CRADD: variants seen among roughly 807,000 people sequenced by gnomAD.
The protein encoded by CRADD is death domain-containing protein CRADD.
CRADD carries 9 observed loss-of-function variants against 15.5 expected under a neutral mutation model. The observed-to-expected ratio is 0.58, with a 90% CI of 0.35 to 1.01. CRADD has a LOEUF of 1.01. Among genes scored for constraint, CRADD ranks in the 50% least tolerant of loss-of-function variants. The probability of loss-of-function intolerance (pLI) is 0.02; values close to 1 mark genes in which losing one functional copy is unlikely to be tolerated. For synonymous variants in CRADD, 118 were observed against 107.6 expected, an observed-to-expected ratio of 1.10 and a Z score of -0.60; for missense variants, 227 against 250.3, an observed-to-expected ratio of 0.91 and a Z score of 0.63.
Position 93,888,227 on chromosome 12 carries a change from C to T in CRADD, c.299-5823C>T, listed in dbSNP as rs942685533. ...GATCACGAGGTCAGGAGATCGAGAC[C>T]ATCATAGCTAACACGGTGAAACCCC... On this transcript the variant is annotated intron_variant, in intron 2 of 2. Transcript: ENST00000548483. Among the ~76,000 whole-genome samples, 11 of 152,210 alleles carry T rather than the reference C, an allele frequency of 7.2e-5. 1 individual carries two copies. The highest frequency in any genetic ancestry group is 7.2e-4 in the Admixed American group (11 of 15,286).
intron 2 of CRADD, among the ~76,000 whole-genome samples, chr12:93,860,239 T>G (rs142842528): frequency 5.4e-4 from 82 of 152,338 alleles, no homozygotes; most frequent in African/African-American, 1.9e-3. Flanking sequence ...ACTCCATATT[T>G]AATTTGAGTA....
chr12:93,735,012 G>A (rs1166682504), intron 2 of CRADD, among the ~76,000 whole-genome samples: 1 of 152,088 alleles, frequency 6.6e-6, no homozygotes, highest in Non-Finnish European at 1.5e-5. Context: ...GGATTTTGTT[G>A]ACTGTCTGCC....
At chr12:93,779,232 C>T (rs1388845151) in intron 2 of CRADD, among the ~76,000 whole-genome samples, 1 of 152,064 alleles carries the variant, frequency 6.6e-6, no homozygotes, top group East Asian at 1.9e-4. Flanking sequence ...ATTTTTTAAA[C>T]CACAGATTGA....
At chr12:93,826,833 A>C (rs1175114254) in intron 2 of CRADD, 2 of 152,200 alleles carry the variant, frequency 1.3e-5, no homozygotes, top group African/African-American at 2.4e-5. Flanking sequence ...CTGGCAAGCA[A>C]GTGTTAGGTT....
chr12:93,865,898 A>G (rs901279198), intron 2 of CRADD, among the ~76,000 whole-genome samples: 4 of 152,164 alleles, frequency 2.6e-5, no homozygotes, highest in Non-Finnish European at 5.9e-5. Context: ...TTGAGAGCTT[A>G]TATGTCTGGA....
chr12:93,740,932 G>A (rs898934760), intron 2 of CRADD, among the ~76,000 whole-genome samples: 2 of 151,930 alleles, frequency 1.3e-5, no homozygotes, highest in South Asian at 2.1e-4. Flanking sequence ...TGCAGATTCC[G>A]GCTTTCTCTG....
At chr12:93,684,867 A>G (rs1955396790) in intron 2 of CRADD, among the ~76,000 whole-genome samples, 1 of 152,186 alleles carries the variant, frequency 6.6e-6, no homozygotes, top group African/African-American at 2.4e-5. Flanking sequence ...AATGTGGCTA[A>G]TAAGACACCT....
intron 2 of CRADD, among the ~76,000 whole-genome samples, chr12:93,681,800 T>G (rs2136790484): frequency 6.6e-6 from 1 of 152,256 alleles, no homozygotes; most frequent in East Asian, 1.9e-4. Flanking sequence ...GTTTCCTATC[T>G]CCTAAAAATC....
At position 93,890,219 on chromosome 12, in the gene CRADD, C is replaced by A. The variant is rs565137185; in HGVS notation, c.299-3831C>A. Among the ~76,000 whole-genome samples the A allele has an allele frequency of 3.3e-5, 5 of 152,270 alleles. No individual in the cohort carries two copies. The East Asian group carries it at 9.6e-4, about 29-fold the overall frequency. On this transcript the variant is annotated intron_variant, in intron 2 of 2. Coordinates refer to the CRADD transcript ENST00000548483. ...TAAGTTTTCTGAGCCTCAGATTTATCATCTGTAGAATGGGGAGGGAGTACA... is the reference window on the plus strand; with the variant it reads ...TAAGTTTTCTGAGCCTCAGATTTATAATCTGTAGAATGGGGAGGGAGTACA...
intron 2 of CRADD, among the ~76,000 whole-genome samples, chr12:93,888,075 G>C (rs189673897): frequency 5.3e-5 from 8 of 152,190 alleles, no homozygotes; most frequent in African/African-American, 7.2e-5. Context: ...ATAGGGATGA[G>C]AGAATGGGGT....
intron 2 of CRADD, among the ~76,000 whole-genome samples, chr12:93,774,000 A>AT (rs112039885): frequency 0.49 from 64,615 of 131,726 alleles, 16,391 homozygotes; most frequent in East Asian, 0.8. Flanking sequence ...CACCTGGCTA[A>AT]TTTTTTTTTT....
At chr12:93,835,502 T>C (rs1957963064) in intron 2 of CRADD, among the ~76,000 whole-genome samples, 1 of 152,190 alleles carries the variant, frequency 6.6e-6, no homozygotes, top group Non-Finnish European at 1.5e-5. Context: ...ATTTTAGGGA[T>C]ATTTTCTTGT....
intron 2 of CRADD, among the ~76,000 whole-genome samples, chr12:93,759,870 G>A (rs1226627770): frequency 2.0e-5 from 3 of 152,202 alleles, no homozygotes; most frequent in Non-Finnish European, 4.4e-5. Flanking sequence ...GGACTTCCAG[G>A]AATAGAAATT....
At chr12:93,806,920 C>T (rs1335578945) in intron 2 of CRADD, among the ~76,000 whole-genome samples, 2 of 152,158 alleles carry the variant, frequency 1.3e-5, no homozygotes, top group Non-Finnish European at 1.5e-5. Context: ...AGATAATCCA[C>T]ATCACTTATA....
At chr12:93,767,923 A>G (rs1565906358) in intron 2 of CRADD, among the ~76,000 whole-genome samples, 1 of 152,248 alleles carries the variant, frequency 6.6e-6, no homozygotes, top group Non-Finnish European at 1.5e-5. Context: ...ATAAACCAGT[A>G]TTGACATTTT....
At chr12:93,759,718 C>T (rs1455173075) in intron 2 of CRADD, among the ~76,000 whole-genome samples, 1 of 152,078 alleles carries the variant, frequency 6.6e-6, no homozygotes, top group Non-Finnish European at 1.5e-5. Context: ...CTTTGGTACA[C>T]AGGTTTACAG....
At chr12:93,879,900 C>T (rs1378157224) in intron 2 of CRADD, among the ~76,000 whole-genome samples, 3 of 152,138 alleles carry the variant, frequency 2.0e-5, no homozygotes, top group East Asian at 1.9e-4. Context: ...TCCTGTTGAC[C>T]TTGGGTTGAT....
At chr12:93,785,937 TC>T (rs1957273844) in intron 2 of CRADD, among the ~76,000 whole-genome samples, 1 of 152,190 alleles carries the variant, frequency 6.6e-6, no homozygotes, top group Non-Finnish European at 1.5e-5. Flanking sequence ...GATTCTAAAT[TC>T]CTGTGGGATA....
At chr12:93,809,116 GT>G (rs1458093285) in intron 2 of CRADD, among the ~76,000 whole-genome samples, 1 of 152,038 alleles carries the variant, frequency 6.6e-6, no homozygotes, top group Non-Finnish European at 1.5e-5. Context: ...GTTTCACCTT[GT>G]TGACCAGGCT....
Sources: allele counts gnomAD v4.1 joint callset (sites outside exome capture counted in the v4.1 genomes callset), GRCh38; gene constraint gnomAD v4.1.1; transcripts MANE v1.5; gene names NCBI Gene and HGNC (gene_info 2026-07-23, HGNC 2026-07-21).